Variants in FAM222A observed in about 807,000 individuals in gnomAD.
The protein encoded by FAM222A is family with sequence similarity 222 member A.
In FAM222A, 7 loss-of-function variants were observed where a neutral mutation model predicts 25.8. The ratio of observed to expected loss-of-function variants is 0.27; its 90% CI spans 0.15 to 0.51. FAM222A has a LOEUF of 0.51. FAM222A is among the 20% of genes least tolerant of loss of function. The probability of loss-of-function intolerance (pLI) is 0.97; values close to 1 mark genes in which losing one functional copy is unlikely to be tolerated. For missense variants in FAM222A, 573 were observed against 640.5 expected (o/e 0.89, Z 1.14); for synonymous variants, 294 against 298.8 (o/e 0.98, Z 0.17).
At chr12:109,722,762 TGGG>T (rs1023012598) in intron 1 of FAM222A, 4 of 152,112 alleles carry the variant, frequency 2.6e-5, no homozygotes, top group Admixed American at 6.5e-5. Context: ...GCCCAGCGCT[TGGG>T]GGGATGAAAG....
chr12:109,724,298 T>C (rs570347363), intron 1 of FAM222A, among the ~76,000 whole-genome samples: 71 of 152,324 alleles, frequency 4.7e-4, no homozygotes, highest in African/African-American at 1.7e-3. Flanking sequence ...CAGGGCTTGG[T>C]GTGGAGTGGG....
intron 1 of FAM222A, among the ~76,000 whole-genome samples, chr12:109,715,453 A>G (rs929040220): frequency 1.3e-5 from 2 of 152,210 alleles, no homozygotes; most frequent in East Asian, 3.9e-4. Flanking sequence ...CATGACGTCA[A>G]ACCTTAGCCT....
At chr12:109,730,130 G>A (rs530058366) in intron 1 of FAM222A, among the ~76,000 whole-genome samples, 12 of 152,204 alleles carry the variant, frequency 7.9e-5, no homozygotes, top group East Asian at 3.9e-4. Context: ...CCTTGCCCAC[G>A]CCACCCAAAC....
chr12:109,767,062 CTTTTTT>C (rs757766627), intron 2 of FAM222A, among the ~76,000 whole-genome samples: 144 of 93,080 alleles, frequency 1.5e-3, no homozygotes, highest in Non-Finnish European at 1.3e-3. Context: ...TGCTTGGCTT[CTTTTTT>C]TTTTTTTTTT....
chr12:109,744,820 A>G lies in FAM222A; in HGVS notation c.82+592A>G, dbSNP rs919752058. 18 of 977,234 alleles carry G rather than the reference A, an allele frequency of 1.8e-5. No individual in the cohort carries two copies. The African/African-American group carries it at 2.6e-4, about 14-fold the overall frequency. 60.5% of individuals were successfully genotyped at this position (977,234 alleles called of 1,614,324 possible). On this transcript the variant is annotated intron_variant, in intron 2 of 2. Coordinates refer to ENST00000538780, the MANE Select transcript of FAM222A (RefSeq NM_032829.3). ...TTGCATTAAAATATGGATTTCTACTATCTCTTGAAAAAAACAAAAACAGAG... is the reference window on the plus strand; with the variant it reads ...TTGCATTAAAATATGGATTTCTACTGTCTCTTGAAAAAAACAAAAACAGAG...
At chr12:109,740,156 G>A (rs549845369) in intron 1 of FAM222A, among the ~76,000 whole-genome samples, 4 of 152,218 alleles carry the variant, frequency 2.6e-5, no homozygotes, top group South Asian at 2.1e-4. Context: ...ATTCCTCCTC[G>A]GACCTGAAAA....
At chr12:109,733,057 C>T (rs138851230) in intron 1 of FAM222A, among the ~76,000 whole-genome samples, 6 of 152,190 alleles carry the variant, frequency 3.9e-5, no homozygotes, top group African/African-American at 1.4e-4. Flanking sequence ...GAGGGTCTCT[C>T]GGAGGAGGTG....
At chr12:109,744,309 C>A in intron 2 of FAM222A, 81 bp downstream of exon 2, 1 of 1,511,520 alleles carries the variant, frequency 6.6e-7, no homozygotes, top group Non-Finnish European at 8.9e-7. Flanking sequence ...GTCCACCTAC[C>A]ATGGCCCTGT....
chr12:109,726,833 AC>A (rs1342052768), intron 1 of FAM222A, among the ~76,000 whole-genome samples: 1 of 151,792 alleles, frequency 6.6e-6, no homozygotes, highest in Non-Finnish European at 1.5e-5. Flanking sequence ...ACTCCCGCCA[AC>A]CCCCATCCGC....
intron 2 of FAM222A, among the ~76,000 whole-genome samples, chr12:109,767,433 C>CT (rs1889087043): frequency 6.6e-6 from 1 of 152,154 alleles, no homozygotes; most frequent in African/African-American, 2.4e-5. Flanking sequence ...GAGGTCGAGG[C>CT]TGTAGTGAGC....
At chr12:109,752,182 T>A (rs1888580615) in intron 2 of FAM222A, among the ~76,000 whole-genome samples, 1 of 152,210 alleles carries the variant, frequency 6.6e-6, no homozygotes, top group Non-Finnish European at 1.5e-5. Flanking sequence ...TGACCTGGGC[T>A]GGCCCTTCCT....
intron 1 of FAM222A, among the ~76,000 whole-genome samples, chr12:109,733,124 G>A (rs1887987345): frequency 6.6e-6 from 1 of 152,126 alleles, no homozygotes. Context: ...GTGGGAGAGT[G>A]GTGTGTACTG....
chr12:109,732,157 G>A (rs1324253136), intron 1 of FAM222A, among the ~76,000 whole-genome samples: 1 of 152,238 alleles, frequency 6.6e-6, no homozygotes, highest in Non-Finnish European at 1.5e-5. Flanking sequence ...AGTGGTCATT[G>A]TGAAGCTGTG....
chr12:109,719,814 G>T (rs1053394661), intron 1 of FAM222A, among the ~76,000 whole-genome samples: 1 of 152,102 alleles, frequency 6.6e-6, no homozygotes, highest in Admixed American at 6.5e-5. Context: ...GTGCTGTGAG[G>T]CCCTGAGGAA....
chr12:109,746,801 C>T (rs1474975931), intron 2 of FAM222A, among the ~76,000 whole-genome samples: 1 of 152,172 alleles, frequency 6.6e-6, no homozygotes, highest in Admixed American at 6.5e-5. Context: ...CACCAACCTC[C>T]TCCCCTTTCT....
chr12:109,745,979 T>G (rs970475960), intron 2 of FAM222A, among the ~76,000 whole-genome samples: 5 of 152,106 alleles, frequency 3.3e-5, no homozygotes, highest in African/African-American at 1.2e-4. Flanking sequence ...TATGATGGAA[T>G]CAGACCTCTG....
At position 109,714,226 on chromosome 12, in the gene FAM222A, G is replaced by T. The variant is rs940025855; in HGVS notation, c.-718G>T. On this transcript the variant is annotated 5_prime_UTR_variant, in exon 1 of 3. Transcript: ENST00000538780. The surrounding 1 kb of genome is among the most constrained non-coding windows in gnomAD (Gnocchi z 4.2). The stretch of plus-strand genomic sequence containing the variant: ...TGCCGCCGCCGCCGCCGCTGCCGCC[G>T]CCGCTGTTCGCCGGCTTCCCCTCCC... 13 of 206,136 alleles carry T rather than the reference G, an allele frequency of 6.3e-5. No individual in the cohort carries two copies. Among genetic ancestry groups the T allele is most frequent in the Non-Finnish European group, 1.2e-4 (12 of 102,228 alleles). The allele number at this position is 206,136 out of a possible 1,614,324, so 12.8% of individuals were successfully genotyped here.
At chr12:109,743,623 G>A in intron 1 of FAM222A, among the ~76,000 whole-genome samples, 1 of 152,316 alleles carries the variant, frequency 6.6e-6, no homozygotes, top group Non-Finnish European at 1.5e-5. Flanking sequence ...AGACAGACCA[G>A]TACTTCAGTA....
At chr12:109,744,020 A>G in intron 1 of FAM222A, 81 bp from the exon 2 acceptor site, 1 of 1,444,098 alleles carries the variant, frequency 6.9e-7, no homozygotes, top group Non-Finnish European at 9.1e-7. Flanking sequence ...TCGGGGTTGC[A>G]GGGAGACTCC....
Sources: gnomAD v4.1 joint callset for allele counts (sites outside exome capture counted in the v4.1 genomes callset) on GRCh38, gnomAD v4.1.1 for gene constraint, Gnocchi (gnomAD v3.1) non-coding constraint, MANE v1.5 for transcripts, NCBI Gene and HGNC (gene_info 2026-07-23, HGNC 2026-07-21) for gene names.